The following EPHA3 variants were observed in gnomAD, a reference collection of about 807,000 sequenced individuals.
The protein encoded by EPHA3 is EPH receptor A3, also known as ephrin type-A receptor 3.
In EPHA3, 42 loss-of-function variants were observed where a neutral mutation model predicts 107.1. That is an observed-to-expected ratio of 0.39 (90% CI 0.31 to 0.51). EPHA3 has a LOEUF of 0.51. EPHA3 is among the 20% of genes least tolerant of loss of function. The pLI is 0.78. For synonymous variants in EPHA3, 461 were observed against 424.8 expected (o/e 1.09, Z -1.05); for missense variants, 1,183 against 1,211.2 (o/e 0.98, Z 0.35).
chr3:89,115,158 T>G (rs1212190297), intron 1 of EPHA3, among the ~76,000 whole-genome samples: 1 of 152,186 alleles, frequency 6.6e-6, no homozygotes, highest in Non-Finnish European at 1.5e-5. Flanking sequence ...TTGTGCAGCT[T>G]GCTGATTTCT....
intron 10 of EPHA3, among the ~76,000 whole-genome samples, chr3:89,418,943 T>A (rs980552918): frequency 6.6e-6 from 1 of 151,444 alleles, no homozygotes; most frequent in Non-Finnish European, 1.5e-5. Flanking sequence ...CCTTTTACAT[T>A]ACATTATTTA....
In EPHA3 at chr3:89,111,170, G is replaced by A. The variant is rs377483508; in HGVS notation, c.88+3334G>A. Among the ~76,000 whole-genome samples, 35 of 152,028 alleles carry A rather than the reference G, an allele frequency of 2.3e-4. No individual in the cohort carries two copies. In the East Asian group the frequency reaches 2.3e-3, roughly 10 times the overall value. On this transcript the variant is annotated intron_variant, in intron 1 of 16. Transcript: ENST00000336596. ...AAATACTAGAGGAAACTATGCAATT[G>A]TTTAAAACTTAAAAGTAAAACTTGC...
chr3:89,300,355 T>A (rs1706452745), intron 3 of EPHA3, among the ~76,000 whole-genome samples: 1 of 152,058 alleles, frequency 6.6e-6, no homozygotes, highest in African/African-American at 2.4e-5. Context: ...AGTTATATAT[T>A]AATATGTAAA....
chr3:89,337,204 T>C (rs531994949), intron 3 of EPHA3, among the ~76,000 whole-genome samples: 1 of 152,356 alleles, frequency 6.6e-6, no homozygotes, highest in African/African-American at 2.4e-5. Context: ...AAAGTTTAAA[T>C]GACTATGTTT....
chr3:89,319,786 G>C (rs1348196286), intron 3 of EPHA3, among the ~76,000 whole-genome samples: 1 of 151,924 alleles, frequency 6.6e-6, no homozygotes, highest in Non-Finnish European at 1.5e-5. Context: ...GCTATTATGT[G>C]AATTCCCTAT....
In EPHA3 at chr3:89,107,722, C is replaced by T. The variant is rs1327218424; in HGVS notation, c.-27C>T. ...GTGGCATGCTTCATGGAGATATGCTCCTCTCACTGCCCTCTGCACCAGCAA... is the reference window on the plus strand; with the variant it reads ...GTGGCATGCTTCATGGAGATATGCTTCTCTCACTGCCCTCTGCACCAGCAA... On this transcript the variant is annotated 5_prime_UTR_variant, in exon 1 of 17. Transcript: ENST00000336596. The T allele has an allele frequency of 1.2e-6, 2 of 1,600,430 alleles. No homozygotes were observed. The highest frequency in any genetic ancestry group is 8.6e-7 in the Non-Finnish European group (1 of 1,167,836).
At chr3:89,455,862 A>G (rs1436384968) in intron 15 of EPHA3, among the ~76,000 whole-genome samples, 1 of 152,142 alleles carries the variant, frequency 6.6e-6, no homozygotes, top group Non-Finnish European at 1.5e-5. Flanking sequence ...ACAGAGCACC[A>G]TATTCTCGTT....
chr3:89,239,623 G>T (rs1319361215), intron 3 of EPHA3, among the ~76,000 whole-genome samples: 4 of 152,120 alleles, frequency 2.6e-5, no homozygotes, highest in Admixed American at 2.0e-4. Context: ...TTCTGAACTT[G>T]TAACTCAGGA....
chr3:89,336,915 G>T (rs1707405080), intron 3 of EPHA3, among the ~76,000 whole-genome samples: 1 of 151,964 alleles, frequency 6.6e-6, no homozygotes, highest in Non-Finnish European at 1.5e-5. Context: ...TTAAAAATTA[G>T]CCAAGCATGG....
intron 2 of EPHA3, among the ~76,000 whole-genome samples, chr3:89,137,075 A>G (rs2107005528): frequency 6.6e-6 from 1 of 152,136 alleles, no homozygotes; most frequent in East Asian, 1.9e-4. Flanking sequence ...AATGGCTTTC[A>G]TATTCAATTC....
intron 2 of EPHA3, among the ~76,000 whole-genome samples, chr3:89,130,707 T>A (rs923824768): frequency 6.6e-6 from 1 of 151,242 alleles, no homozygotes; most frequent in African/African-American, 2.4e-5. Context: ...CGATCTCGGC[T>A]CACTGCAAGC....
chr3:89,435,053 G>T (rs757664568), intron 13 of EPHA3, among the ~76,000 whole-genome samples: 10 of 151,774 alleles, frequency 6.6e-5, no homozygotes, highest in African/African-American at 9.7e-5. Context: ...TAAATATGAG[G>T]TATGGTTATG....
intron 16 of EPHA3, among the ~76,000 whole-genome samples, chr3:89,472,963 T>G (rs1318361863): frequency 6.6e-6 from 1 of 152,230 alleles, no homozygotes; most frequent in African/African-American, 2.4e-5. Context: ...ATGATTATTA[T>G]ATTTCTGCAT....
chr3:89,210,594 T>C (rs1374327182), intron 3 of EPHA3, 74 bp downstream of exon 3: 2 of 1,445,782 alleles, frequency 1.4e-6, no homozygotes, highest in Non-Finnish European at 1.8e-6. Flanking sequence ...TTAAATGAAA[T>C]GCACTCAGTC....
chr3:89,318,026 A>G (rs1479013962), intron 3 of EPHA3, among the ~76,000 whole-genome samples: 1 of 151,846 alleles, frequency 6.6e-6, no homozygotes, highest in Non-Finnish European at 1.5e-5. Context: ...ATTTGTAACA[A>G]TTTCCGTTAT....
At chr3:89,155,159 G>A (rs1332909230) in intron 2 of EPHA3, among the ~76,000 whole-genome samples, 3 of 151,634 alleles carry the variant, frequency 2.0e-5, no homozygotes, top group African/African-American at 4.8e-5. Flanking sequence ...AGACTCAGAA[G>A]TGTATGTAAA....
At chr3:89,142,312 T>C (rs1419462462) in intron 2 of EPHA3, among the ~76,000 whole-genome samples, 1 of 151,458 alleles carries the variant, frequency 6.6e-6, no homozygotes, top group African/African-American at 2.4e-5. Flanking sequence ...CTTTGGTCTA[T>C]ATTTACCGCA....
intron 5 of EPHA3, among the ~76,000 whole-genome samples, chr3:89,368,368 A>T (rs1337476077): frequency 1.3e-5 from 2 of 150,518 alleles, no homozygotes; most frequent in African/African-American, 4.8e-5. Flanking sequence ...CCAGTGGGTT[A>T]TGTAGAGATA....
intron 3 of EPHA3, among the ~76,000 whole-genome samples, chr3:89,274,021 C>A (rs1477666093): frequency 6.6e-6 from 1 of 151,788 alleles, no homozygotes; most frequent in Non-Finnish European, 1.5e-5. Context: ...CAGAGAGTTG[C>A]CTTATTTGAC....
Sources: gnomAD v4.1 joint callset for allele counts (sites outside exome capture counted in the v4.1 genomes callset) on GRCh38, gnomAD v4.1.1 for gene constraint, MANE v1.5 for transcripts, NCBI Gene and HGNC (gene_info 2026-07-23, HGNC 2026-07-21) for gene names.